PCDHGB4: variants seen among roughly 807,000 people sequenced by gnomAD.
The protein encoded by PCDHGB4 is protocadherin gamma-B4.
In PCDHGB4, 38 loss-of-function variants were observed where a neutral mutation model predicts 60.5. The ratio of observed to expected loss-of-function variants is 0.63; its 90% confidence interval spans 0.48 to 0.82. The LOEUF is 0.82. Among genes scored for constraint, PCDHGB4 ranks in the 40% least tolerant of loss-of-function variants. The pLI is 0.00. For synonymous variants in PCDHGB4, 456 were observed against 509.7 expected (o/e 0.89, Z 1.42); for missense variants, 1,109 against 1,209.6 (o/e 0.92, Z 1.23).
chr5:141,413,639 G>A (rs893578830), intron 1 of PCDHGB4: 2 of 1,613,854 alleles, frequency 1.2e-6, no homozygotes, highest in Non-Finnish European at 1.7e-6. Context: ...GCGGGAATGC[G>A]TTTTCCTCTC....
chr5:141,492,870 C>G (rs2099744684), intron 1 of PCDHGB4, among the ~76,000 whole-genome samples: 1 of 152,192 alleles, frequency 6.6e-6, no homozygotes, highest in African/African-American at 2.4e-5. Flanking sequence ...TGGCTCTCAA[C>G]CCCCAGAGAT....
At chr5:141,434,978 C>G (rs1287204052) in intron 1 of PCDHGB4, among the ~76,000 whole-genome samples, 2 of 151,700 alleles carry the variant, frequency 1.3e-5, no homozygotes, top group Non-Finnish European at 2.9e-5. Flanking sequence ...TTTGTTAATA[C>G]TCTATATCAT....
chr5:141,427,105 A>C (rs1413188668), intron 1 of PCDHGB4: 1 of 457,776 alleles, frequency 2.2e-6, no homozygotes, highest in Non-Finnish European at 4.4e-6. Flanking sequence ...GTCAATGCGG[A>C]GATCACCTAC....
At chr5:141,403,772 A>G in intron 1 of PCDHGB4, 1 of 1,613,960 alleles carries the variant, frequency 6.2e-7, no homozygotes, top group Middle Eastern at 1.7e-4. Flanking sequence ...TGAGGGAATC[A>G]ACGGAAAAGT....
At chr5:141,392,575 T>C (rs1185769260) in intron 1 of PCDHGB4, 2 of 459,466 alleles carry the variant, frequency 4.4e-6, no homozygotes, top group Non-Finnish European at 7.7e-6. Flanking sequence ...TATTTAGGAC[T>C]GTAAGCGCCG....
chr5:141,404,517 A>G lies in PCDHGB4; in HGVS notation c.2397+14236A>G, dbSNP rs1268035794. On this transcript the variant is annotated intron_variant, in intron 1 of 3. Transcript: ENST00000519479. The stretch of plus-strand genomic sequence containing the variant: ...CTGTATGCTCTGTGCTCCTTTGACT[A>G]TGAGCAGTTTAGAGATTTGCAAATG... 5 of 1,613,938 alleles carry G rather than the reference A, an allele frequency of 3.1e-6. No homozygotes were observed. Among genetic ancestry groups the G allele is most frequent in the Non-Finnish European group, 3.4e-6 (4 of 1,179,844 alleles).
Position 141,489,065 on chromosome 5 carries a change from C to T in PCDHGB4, c.2398-5742C>T, listed in dbSNP as rs558074504. On this transcript the variant is annotated intron_variant, in intron 1 of 3. Coordinates refer to ENST00000519479, the MANE Select transcript of PCDHGB4 (RefSeq NM_003736.4). This position sits in a 1 kb window ranked among gnomAD's most constrained non-coding sequence, Gnocchi z 4.5. ...CCACTCAAATTCAGCTCCCCTCCCC[C>T]CTGCCCACCCCCGCCACTCGGTGAC... 3.3e-5 allele frequency: 13 copies of T among 388,932 alleles called. 1 individual carries two copies. Among genetic ancestry groups the T allele is most frequent in the African/African-American group, 8.5e-5 (4 of 47,158 alleles). 24.1% of individuals were successfully genotyped at this position (388,932 alleles called of 1,614,324 possible).
intron 1 of PCDHGB4, among the ~76,000 whole-genome samples, chr5:141,468,962 C>T (rs2099187487): frequency 6.7e-6 from 1 of 148,782 alleles, no homozygotes; most frequent in Non-Finnish European, 1.5e-5. Context: ...GTTTTTTTTA[C>T]CTTAGGCTTT....
chr5:141,425,555 A>C (rs1282440598), intron 1 of PCDHGB4, among the ~76,000 whole-genome samples: 2 of 152,388 alleles, frequency 1.3e-5, no homozygotes, highest in Middle Eastern at 6.8e-3. Context: ...AACCTCTTTT[A>C]TAAGTGATAA....
At chr5:141,509,335 G>T (rs113423267) in intron 3 of PCDHGB4, among the ~76,000 whole-genome samples, 106 of 152,262 alleles carry the variant, frequency 7.0e-4, no homozygotes, top group African/African-American at 2.4e-3. Context: ...CTGCCAGCTG[G>T]GCCTGGGCTG....
chr5:141,413,051 C>T (rs1316813444), intron 1 of PCDHGB4: 1 of 952,822 alleles, frequency 1.0e-6, no homozygotes, highest in African/African-American at 1.7e-5. Context: ...TGCAGGGAAG[C>T]TCACTCCAGA....
At chr5:141,394,021 GA>G (rs2092902279) in intron 1 of PCDHGB4, 1 of 1,613,362 alleles carries the variant, frequency 6.2e-7, no homozygotes, top group Non-Finnish European at 8.5e-7. Context: ...AATTATTATA[GA>G]TTAGTGACAA....
In PCDHGB4 at chr5:141,489,584, A is replaced by G. The variant is rs775720718; in HGVS notation, c.2398-5223A>G. Reference sequence around the variant, plus strand: ...CAGGTGGTGACTGAACACCCCCTGGAGCTAATCCGTGTAGAGGTAGAGATC... The same window carrying G: ...CAGGTGGTGACTGAACACCCCCTGGGGCTAATCCGTGTAGAGGTAGAGATC... On this transcript the variant is annotated intron_variant, in intron 1 of 3. Coordinates refer to ENST00000519479, the MANE Select transcript of PCDHGB4 (RefSeq NM_003736.4). The surrounding 1 kb of genome is among the most constrained non-coding windows in gnomAD (Gnocchi z 4.5). The G allele has an allele frequency of 6.2e-7, 1 of 1,614,054 alleles. No homozygotes were observed. Among genetic ancestry groups the G allele is most frequent in the South Asian group, 1.1e-5 (1 of 91,078 alleles).
At chr5:141,406,072 CTT>C (rs530474569) in intron 1 of PCDHGB4, among the ~76,000 whole-genome samples, 69 of 141,430 alleles carry the variant, frequency 4.9e-4, no homozygotes, top group African/African-American at 9.6e-4. Flanking sequence ...ATTCTTACTC[CTT>C]TTTTTTTTTT....
Position 141,494,770 on chromosome 5 carries a change from C to T in PCDHGB4, c.2398-37C>T, listed in dbSNP as rs767006872. 43 of 1,614,022 alleles carry T rather than the reference C, an allele frequency of 2.7e-5. No homozygotes were observed. In the East Asian group the frequency reaches 7.6e-4, roughly 28 times the overall value. On this transcript the variant is annotated intron_variant, in intron 1 of 3. Coordinates refer to ENST00000519479, the MANE Select transcript of PCDHGB4 (RefSeq NM_003736.4). ...GCTCGGGTGACATTCTAACTTCTCA[C>T]GGGTACTCAGCCCCTTTCCCTCTGT...
intron 1 of PCDHGB4, among the ~76,000 whole-genome samples, chr5:141,443,726 TAC>T: frequency 6.6e-6 from 1 of 152,262 alleles, no homozygotes; most frequent in Admixed American, 6.5e-5. Flanking sequence ...AAATTCCTCA[TAC>T]ATTTCCCTAT....
At chr5:141,441,779 C>T in intron 1 of PCDHGB4, 2 of 390,030 alleles carry the variant, frequency 5.1e-6, no homozygotes, top group South Asian at 2.0e-5. Context: ...TGGTGGACGA[C>T]CTGAATGACA....
rs756423770 is a variant in PCDHGB4 at position 141,430,950 on chromosome 5, T to G, written c.2397+40669T>G. 8 of 1,609,862 alleles carry G rather than the reference T, an allele frequency of 5.0e-6. No individual in the cohort carries two copies. The East Asian group carries it at 1.6e-4, about 31-fold the overall frequency. On this transcript the variant is annotated intron_variant, in intron 1 of 3. Coordinates refer to ENST00000519479, the MANE Select transcript of PCDHGB4 (RefSeq NM_003736.4). ...CCCCGGGAGCTCGCGGAGCGCGGAG[T>G]CCGCATCATCCCCAGAGGTAGGACG...
intron 1 of PCDHGB4, chr5:141,418,432 T>C (rs954268296): frequency 1.9e-6 from 3 of 1,613,838 alleles, no homozygotes; most frequent in African/African-American, 1.3e-5. Context: ...GTGGCAAATA[T>C]CCAGAATTAG....
Sources: gnomAD v4.1 joint callset for allele counts (sites outside exome capture counted in the v4.1 genomes callset) on GRCh38, gnomAD v4.1.1 for gene constraint, Gnocchi (gnomAD v3.1) non-coding constraint, MANE v1.5 for transcripts, NCBI Gene and HGNC (gene_info 2026-07-23, HGNC 2026-07-21) for gene names.